The following GIN1 variants were observed in gnomAD, a reference collection of about 807,000 sequenced individuals.
The protein encoded by GIN1 is gypsy retrotransposon integrase-like protein 1.
GIN1 carries 41 observed loss-of-function variants against 51.4 expected under a neutral mutation model. The ratio of observed to expected loss-of-function variants is 0.80; its 90% CI spans 0.62 to 1.04. The LOEUF is 1.04. Among genes scored for constraint, GIN1 ranks in the 50% least tolerant of loss-of-function variants. The pLI, the probability that GIN1 is intolerant of heterozygous loss-of-function variation, is 0.00. For missense variants in GIN1, 610 were observed against 612.4 expected (o/e 1.00, Z 0.04); for synonymous variants, 222 against 206.5 (o/e 1.07, Z -0.64).
intron 7 of GIN1, among the ~76,000 whole-genome samples, chr5:103,096,041 T>C (rs182212358): frequency 7.4e-4 from 112 of 152,052 alleles, no homozygotes; most frequent in African/African-American, 2.5e-3. Context: ...AAAAACATAC[T>C]AGAAATAAAA....
At position 103,108,674 on chromosome 5, in the gene GIN1, G is replaced by T; in HGVS notation, c.34C>A (p.Leu12Ile). The change falls in exon 2 of 8, where the codon CTT becomes ATT. Residue 12 changes from leucine to isoleucine, a missense_variant. Physicochemically the swap from Leu to Ile is conservative, Grantham distance 5 (BLOSUM62 2). Transcript: ENST00000399004. ...CGTTTGTAATATGCAATCTGTTTAA[G>T]ATGAAGGTCACCATTTTTTCCACTA... is the stretch of plus-strand genomic sequence containing the variant. ...VRSGKNGDLH[L>I]KQIAYYKRTG... 1 of 1,602,928 alleles carries T rather than the reference G, an allele frequency of 6.2e-7. No individual in the cohort carries two copies.
chr5:103,087,075 C>G lies in GIN1; in HGVS notation c.*823G>C, dbSNP rs1554193958. 1 of 152,206 alleles carries G rather than the reference C, an allele frequency of 6.6e-6. No homozygotes were observed. 9.4% of individuals were successfully genotyped at this position (152,206 alleles called of 1,614,324 possible). On this transcript the variant is annotated 3_prime_UTR_variant, in exon 8 of 8. Coordinates refer to ENST00000399004, the MANE Select transcript of GIN1 (RefSeq NM_017676.2). ...GCAGCCTCGACCTCCTGGGGTCAAG[C>G]AATGCTCCTACTTCAGCCTCCTGAG...
At chr5:103,088,315 C>T (rs1787137586) in intron 7 of GIN1, 143 bp from the exon 8 acceptor site, 1 of 502,832 alleles carries the variant, frequency 2.0e-6, no homozygotes, top group East Asian at 3.2e-5. Context: ...ATACTGTCTA[C>T]TAAATATGAA....
At position 103,096,801 on chromosome 5, in the gene GIN1, A is replaced by G; in HGVS notation, c.1034T>C (p.Leu345Pro). The change falls in exon 7 of 8, where the codon CTA (leucine) becomes CCA (proline). Residue 345 changes from leucine (L) to proline (P), a missense_variant. Coordinates refer to ENST00000399004, the MANE Select transcript of GIN1 (RefSeq NM_017676.2). ...GQMENNNLDE[L>P]NKSKIIVKKK... ...TTTAACAATGATCTTGCTTTTATTT[A>G]GTTCATCCAAATTGTTGTTCTCCAT... 6.3e-7 allele frequency: 1 copy of G among 1,599,402 alleles called. No individual in the cohort carries two copies. The highest frequency in any genetic ancestry group is 8.6e-7 in the Non-Finnish European group (1 of 1,167,512).
intron 1 of GIN1, among the ~76,000 whole-genome samples, chr5:103,116,739 A>G (rs557763435): frequency 6.6e-6 from 1 of 152,264 alleles, no homozygotes; most frequent in East Asian, 1.9e-4. Context: ...AAGCTTAACA[A>G]GAAAGCAAAC....
Position 103,087,345 on chromosome 5 carries a change from C to G in GIN1, c.*553G>C, listed in dbSNP as rs2151458357. 6.6e-6 allele frequency: 1 copy of G among 152,276 alleles called. No homozygotes were observed. Among genetic ancestry groups the G allele is most frequent in the African/African-American group, 2.4e-5 (1 of 41,542 alleles). 9.4% of individuals were successfully genotyped at this position (152,276 alleles called of 1,614,324 possible). ...TTCCCAACCAATACATAGTTTCAGA[C>G]CCTAATCCTGACCCTATCTAACCAA... On this transcript the variant is annotated 3_prime_UTR_variant, in exon 8 of 8. Transcript: ENST00000399004.
At chr5:103,109,019 T>C (rs185541667) in intron 1 of GIN1, among the ~76,000 whole-genome samples, 1 of 152,224 alleles carries the variant, frequency 6.6e-6, no homozygotes, top group Non-Finnish European at 1.5e-5. Flanking sequence ...AAGTTTTGCT[T>C]AAAATTTCAT....
intron 1 of GIN1, 75 bp downstream of exon 1, chr5:103,119,989 T>G (rs1554198295): frequency 1.3e-5 from 2 of 153,998 alleles, no homozygotes; most frequent in African/African-American, 4.8e-5. Flanking sequence ...GCGAATGGTT[T>G]TGAAATTACT....
intron 1 of GIN1, among the ~76,000 whole-genome samples, chr5:103,117,661 A>G (rs1562338876): frequency 6.6e-6 from 1 of 152,062 alleles, no homozygotes. Flanking sequence ...TGCCTAACAA[A>G]GCATTTCTCA....
intron 4 of GIN1, among the ~76,000 whole-genome samples, chr5:103,103,558 T>C (rs1185872736): frequency 2.6e-5 from 4 of 152,234 alleles, no homozygotes; most frequent in African/African-American, 9.6e-5. Context: ...ACATATACCC[T>C]GTCAATTACA....
chr5:103,098,390 G>A (rs1433201893), intron 4 of GIN1, among the ~76,000 whole-genome samples: 1 of 152,186 alleles, frequency 6.6e-6, no homozygotes, highest in African/African-American at 2.4e-5. Flanking sequence ...CTGAAGCTTT[G>A]AGAGATTAAG....
chr5:103,114,465 A>C (rs920470682), intron 1 of GIN1, among the ~76,000 whole-genome samples: 14 of 152,248 alleles, frequency 9.2e-5, no homozygotes, highest in Non-Finnish European at 1.8e-4. Flanking sequence ...TGGCTTAGGG[A>C]GAAAGATGAC....
chr5:103,106,614 C>G (rs890436708), intron 3 of GIN1, 102 bp downstream of exon 3: 3 of 664,276 alleles, frequency 4.5e-6, no homozygotes, highest in Non-Finnish European at 7.4e-6. Context: ...GCCAAAAATA[C>G]TTAATGAGAG....
Position 103,087,612 on chromosome 5 carries a change from G to C in GIN1, c.*286C>G, listed in dbSNP as rs1165000493. On this transcript the variant is annotated 3_prime_UTR_variant, in exon 8 of 8. Coordinates refer to ENST00000399004, the MANE Select transcript of GIN1 (RefSeq NM_017676.2). ...GTGCCAAAACCATACAAAGGTTTGAGAGATTTGGGCTGGAATTTATTTCCC... is the reference window on the plus strand; with the variant it reads ...GTGCCAAAACCATACAAAGGTTTGACAGATTTGGGCTGGAATTTATTTCCC... 1 of 206,234 alleles carries C rather than the reference G, an allele frequency of 4.8e-6. No individual in the cohort carries two copies. The highest frequency in any genetic ancestry group is 2.3e-5 in the African/African-American group (1 of 43,618). The allele number at this position is 206,234 out of a possible 1,614,324, so 12.8% of individuals were successfully genotyped here.
At chr5:103,114,803 T>G (rs1487646345) in intron 1 of GIN1, among the ~76,000 whole-genome samples, 1 of 152,146 alleles carries the variant, frequency 6.6e-6, no homozygotes, top group Non-Finnish European at 1.5e-5. Context: ...TTTAGGGACA[T>G]GAGACTAGCC....
chr5:103,088,420 C>T (rs1003706947), intron 7 of GIN1, among the ~76,000 whole-genome samples: 1 of 152,178 alleles, frequency 6.6e-6, no homozygotes, highest in South Asian at 2.1e-4. Context: ...TTTTCCTGTT[C>T]CCTCAACCTG....
intron 7 of GIN1, among the ~76,000 whole-genome samples, chr5:103,088,935 C>A (rs1481074578): frequency 1.3e-5 from 2 of 152,142 alleles, no homozygotes; most frequent in African/African-American, 4.8e-5. Flanking sequence ...TTGAGATAAT[C>A]TTCCAATCTT....
In GIN1 at chr5:103,104,682, A is replaced by C; in HGVS notation, c.498T>G (p.Asp166Glu). 6.2e-7 allele frequency: 1 copy of C among 1,613,160 alleles called. No homozygotes were observed. The highest frequency in any genetic ancestry group is 1.1e-5 in the South Asian group (1 of 91,066). Residue 166 changes from aspartate (D) to glutamate (E), a missense_variant, in exon 4 of 8, where the codon GAT becomes GAG. By Grantham distance (45) the Asp-to-Glu change is conservative (BLOSUM62 2). Coordinates refer to ENST00000399004, the MANE Select transcript of GIN1 (RefSeq NM_017676.2). ...RSHVYAIIMT[D>E]LFTKWIVILP... The stretch of plus-strand genomic sequence containing the variant: ...AAATCACAATCCATTTGGTGAACAA[A>C]TCTGTCATGATTATAGCATATACAT...
chr5:103,100,651 A>G (rs533505618), intron 4 of GIN1, among the ~76,000 whole-genome samples: 1 of 151,318 alleles, frequency 6.6e-6, no homozygotes, highest in South Asian at 2.1e-4. Flanking sequence ...CTCTCACCTC[A>G]GCCTCCCAAA....
Sources: allele counts gnomAD v4.1 joint callset (sites outside exome capture counted in the v4.1 genomes callset), GRCh38; gene constraint gnomAD v4.1.1; transcripts MANE v1.5; gene names NCBI Gene and HGNC (gene_info 2026-07-23, HGNC 2026-07-21).